SPIDR: variants seen among roughly 807,000 people sequenced by gnomAD.
The protein encoded by SPIDR is scaffold protein involved in DNA repair.
SPIDR carries 93 observed loss-of-function variants against 104.6 expected under a neutral mutation model. The observed-to-expected ratio is 0.89, with a 90% confidence interval of 0.75 to 1.06. The LOEUF (loss-of-function observed/expected upper bound fraction) is 1.06. SPIDR is among the 50% of genes least tolerant of loss of function. The probability of loss-of-function intolerance (pLI) is 0.00; values close to 1 mark genes in which losing one functional copy is unlikely to be tolerated. For synonymous variants in SPIDR, 431 were observed against 416.9 expected (o/e 1.03, Z -0.41); for missense variants, 1,154 against 1,111.2 (o/e 1.04, Z -0.55).
chr8:47,416,992 T>C (rs1300731565), intron 7 of SPIDR, among the ~76,000 whole-genome samples: 5 of 152,238 alleles, frequency 3.3e-5, no homozygotes, highest in African/African-American at 1.2e-4. Flanking sequence ...TTCCATGGTG[T>C]ATATGTGCCA....
chr8:47,422,250 G>A (rs2065630918), intron 7 of SPIDR, among the ~76,000 whole-genome samples: 1 of 152,184 alleles, frequency 6.6e-6, no homozygotes. Flanking sequence ...GCTCCAGTGG[G>A]CTCCACCCCG....
intron 8 of SPIDR, among the ~76,000 whole-genome samples, chr8:47,588,396 T>C (rs1209693900): frequency 6.6e-6 from 1 of 151,758 alleles, no homozygotes; most frequent in Non-Finnish European, 1.5e-5. Context: ...TCATTGACAA[T>C]ATGTAGAAAT....
intron 8 of SPIDR, among the ~76,000 whole-genome samples, chr8:47,559,179 T>C (rs2056756098): frequency 6.6e-6 from 1 of 152,170 alleles, no homozygotes; most frequent in African/African-American, 2.4e-5. Context: ...AAAAGGAAAA[T>C]AAAAACACTT....
intron 8 of SPIDR, among the ~76,000 whole-genome samples, chr8:47,577,875 CA>C (rs765756423): frequency 6.6e-6 from 1 of 152,174 alleles, no homozygotes; most frequent in Non-Finnish European, 1.5e-5. Flanking sequence ...CCTGTTTCAA[CA>C]AGGCTGTGAT....
chr8:47,698,464 A>G (rs1161395038), intron 11 of SPIDR, among the ~76,000 whole-genome samples: 3 of 152,342 alleles, frequency 2.0e-5, no homozygotes, highest in Middle Eastern at 3.4e-3. Flanking sequence ...ACCATTATCT[A>G]TTTTTAAAAA....
intron 1 of SPIDR, among the ~76,000 whole-genome samples, chr8:47,277,781 TC>T (rs1192802284): frequency 1.3e-5 from 2 of 151,178 alleles, no homozygotes; most frequent in Non-Finnish European, 2.9e-5. Context: ...TTCAAGCAAT[TC>T]TCCTGCCTCA....
intron 8 of SPIDR, among the ~76,000 whole-genome samples, chr8:47,455,609 C>T (rs912053649): frequency 3.3e-5 from 5 of 152,054 alleles, no homozygotes; most frequent in Admixed American, 6.6e-5. Flanking sequence ...CAAGAATCCA[C>T]CTATAAGCCA....
chr8:47,422,477 G>A (rs1554681626), intron 7 of SPIDR, among the ~76,000 whole-genome samples: 1 of 152,234 alleles, frequency 6.6e-6, no homozygotes, highest in Admixed American at 6.5e-5. Context: ...ATTAGGGTGG[G>A]AGTGACCCGA....
intron 8 of SPIDR, chr8:47,592,247 T>C (rs1167013785): frequency 2.3e-6 from 3 of 1,292,294 alleles, no homozygotes; most frequent in East Asian, 4.6e-5. Flanking sequence ...TGCTAATGGA[T>C]CGTCTGGATT....
At position 47,270,521 on chromosome 8, in the gene SPIDR, T is replaced by C. The variant is rs2035081148; in HGVS notation, c.34-9341T>C. Among the ~76,000 whole-genome samples, 3 of 152,088 alleles carry C rather than the reference T, an allele frequency of 2.0e-5. No homozygotes were observed. The East Asian group carries it at 5.8e-4, about 29-fold the overall frequency. On this transcript the variant is annotated intron_variant, in intron 1 of 19. Transcript: ENST00000297423. ...TTCCTGAGTTTTGTAGTTTAAATCT[T>C]CTCTTCCCCGCCCCCAAACCTCCTT...
At chr8:47,581,654 C>T (rs1402762739) in intron 8 of SPIDR, among the ~76,000 whole-genome samples, 1 of 152,158 alleles carries the variant, frequency 6.6e-6, no homozygotes, top group Non-Finnish European at 1.5e-5. Context: ...TTATCCCAAG[C>T]ATGCCTTCCA....
intron 8 of SPIDR, among the ~76,000 whole-genome samples, chr8:47,503,567 T>A (rs1314752804): frequency 6.6e-6 from 1 of 150,994 alleles, no homozygotes; most frequent in African/African-American, 2.4e-5. Flanking sequence ...TACAGCACAC[T>A]GATGGGTCTC....
In SPIDR at chr8:47,341,550, AT is replaced by A. The variant is rs559355508; in HGVS notation, c.525+47528del. Among the ~76,000 whole-genome samples the A allele has an allele frequency of 5.3e-5, 8 of 152,032 alleles. No homozygotes were observed. The South Asian group carries it at 8.3e-4, about 16-fold the overall frequency. ...AATTCCATTTTCTGTTCCATTTTCA[AT>A]TTTTTTTCTCAGTTTAATGTTTTAC... On this transcript the variant is annotated intron_variant, in intron 5 of 19. Coordinates refer to ENST00000297423, the MANE Select transcript of SPIDR (RefSeq NM_001080394.4).
At chr8:47,542,316 G>A (rs1328959030) in intron 8 of SPIDR, among the ~76,000 whole-genome samples, 1 of 152,122 alleles carries the variant, frequency 6.6e-6, no homozygotes, top group Non-Finnish European at 1.5e-5. Context: ...GTACCTGGAT[G>A]AGGGTTGTGG....
At chr8:47,365,796 A>G (rs561943210) in intron 5 of SPIDR, among the ~76,000 whole-genome samples, 48 of 152,312 alleles carry the variant, frequency 3.2e-4, no homozygotes, top group African/African-American at 1.1e-3. Flanking sequence ...CCTCTATTCT[A>G]AAGACTTCTT....
In SPIDR at chr8:47,440,550, C is replaced by G; in HGVS notation, c.1097+8C>G. Reference sequence around the variant, plus strand: ...CCGGATCTTCCCTCCCTGGTGAGTGCGCAGAACTTAATCCAGCAGTCACCA... The same window carrying G: ...CCGGATCTTCCCTCCCTGGTGAGTGGGCAGAACTTAATCCAGCAGTCACCA... On this transcript the variant is annotated splice_region_variant and intron_variant, in intron 8 of 19. Transcript: ENST00000297423. 1 of 1,607,258 alleles carries G rather than the reference C, an allele frequency of 6.2e-7. No individual in the cohort carries two copies. Among genetic ancestry groups the G allele is most frequent in the Non-Finnish European group, 8.5e-7 (1 of 1,175,370 alleles).
intron 8 of SPIDR, among the ~76,000 whole-genome samples, chr8:47,455,237 G>A (rs1416975373): frequency 6.6e-6 from 1 of 152,056 alleles, no homozygotes; most frequent in African/African-American, 2.4e-5. Flanking sequence ...GAATAAAAAG[G>A]GAGGGGGTAG....
intron 8 of SPIDR, among the ~76,000 whole-genome samples, chr8:47,490,732 A>C (rs1259280866): frequency 6.6e-6 from 1 of 152,218 alleles, no homozygotes; most frequent in East Asian, 1.9e-4. Flanking sequence ...CATTCTCAGC[A>C]AACTATCGCA....
Position 47,701,864 on chromosome 8 carries a change from G to A in SPIDR, c.1917G>A (p.Gln639=), listed in dbSNP as rs764459466. 1.2e-6 allele frequency: 2 copies of A among 1,614,060 alleles called. No individual in the cohort carries two copies. Among genetic ancestry groups the A allele is most frequent in the Non-Finnish European group, 1.7e-6 (2 of 1,180,022 alleles). The stretch of plus-strand genomic sequence containing the variant: ...CCCGCTGCTTAAGAGACATTCTCCA[G>A]GTAATGTCTTTGTTTCTAACAGGTT... ...PVTRCLRDIL[Q]MNDLGTRCSF... The change falls in exon 13 of 20, where the codon CAG becomes CAA. Residue 639 remains glutamine (Q), a splice_region_variant and synonymous_variant. Coordinates refer to ENST00000297423, the MANE Select transcript of SPIDR (RefSeq NM_001080394.4).
Sources: gnomAD v4.1 joint callset for allele counts (sites outside exome capture counted in the v4.1 genomes callset) on GRCh38, gnomAD v4.1.1 for gene constraint, MANE v1.5 for transcripts, NCBI Gene and HGNC (gene_info 2026-07-23, HGNC 2026-07-21) for gene names.